MYCBPAP: variants seen among roughly 807,000 people sequenced by gnomAD.
MYCBPAP encodes the protein MYCBP associated protein.
Under a neutral mutation model 106.1 loss-of-function variants are expected in MYCBPAP, and 60 were observed. The observed-to-expected ratio is 0.57, with a 90% confidence interval of 0.46 to 0.70. The LOEUF is 0.70. Ranked by LOEUF, MYCBPAP falls within the 30% of genes least tolerant of loss-of-function variation. The pLI, the probability that MYCBPAP is intolerant of heterozygous loss-of-function variation, is 0.00. For synonymous variants in MYCBPAP, 407 were observed against 440.6 expected, an observed-to-expected ratio of 0.92 and a Z score of 0.95; for missense variants, 1,064 against 1,169.3, an observed-to-expected ratio of 0.91 and a Z score of 1.31.
intron 2 of MYCBPAP, 38 bp downstream of exon 2, chr17:50,516,735 G>A (rs376841875): frequency 1.1e-5 from 18 of 1,611,348 alleles, no homozygotes; most frequent in East Asian, 2.2e-5. Context: ...CCATAGAAAC[G>A]TTTCCCTGCC....
rs1182764090 is a variant in MYCBPAP at position 50,508,653 on chromosome 17, TTTCATGGTG to T, written c.-21_-13del. On this transcript the variant is annotated 5_prime_UTR_variant, in exon 1 of 19. An upstream start codon of the reference 5' UTR is lost. Transcript: ENST00000323776. ...TCTGGGCCGGCGGTGCAGGGCAACG[TTTCATGGTG>T]CCGGGCGGCACCATGAAGTCTCTAA... 6.3e-7 allele frequency: 1 copy of T among 1,595,188 alleles called. No homozygotes were observed. The highest frequency in any genetic ancestry group is 2.3e-5 in the East Asian group (1 of 44,120).
At chr17:50,509,000 G>A in intron 1 of MYCBPAP, 1 of 702,700 alleles carries the variant, frequency 1.4e-6, no homozygotes, top group Non-Finnish European at 2.6e-6. Flanking sequence ...AGGGACCACT[G>A]GCTGGGGAGA....
At position 50,519,295 on chromosome 17, in the gene MYCBPAP, C is replaced by A. The variant is rs993440519; in HGVS notation, c.768+206C>A. ...AGTTATTCAGCCTGTGGTGACCACA[C>A]AGGTAGCAAGTTATTAGAGTAGTCT... On this transcript the variant is annotated intron_variant, in intron 6 of 18. Transcript: ENST00000323776. The A allele has an allele frequency of 5.1e-6, 3 of 591,998 alleles. No individual in the cohort carries two copies. In the Admixed American group the frequency reaches 9.1e-5, roughly 18 times the overall value. 36.7% of individuals were successfully genotyped at this position (591,998 alleles called of 1,614,324 possible).
intron 11 of MYCBPAP, 108 bp downstream of exon 11, chr17:50,523,236 T>G: frequency 1.8e-6 from 2 of 1,110,156 alleles, no homozygotes; most frequent in Non-Finnish European, 2.6e-6. Flanking sequence ...GTTTGAGCCC[T>G]GCTTCCCTGC....
intron 1 of MYCBPAP, among the ~76,000 whole-genome samples, chr17:50,511,066 A>T (rs2033829859): frequency 6.6e-6 from 1 of 151,514 alleles, no homozygotes; most frequent in Admixed American, 6.6e-5. Context: ...GAGGGAAAAA[A>T]AATGAAGTGT....
Position 50,523,718 on chromosome 17 carries a change from G to T in MYCBPAP, c.1569G>T (p.Leu523=), listed in dbSNP as rs756772469. The T allele has an allele frequency of 4.3e-6, 7 of 1,614,078 alleles. No individual in the cohort carries two copies. The highest frequency in any genetic ancestry group is 2.7e-5 in the African/African-American group (2 of 74,918). Residue 523 remains leucine (L), a synonymous_variant, in exon 12 of 19, where the codon CTG becomes CTT. Transcript: ENST00000323776. ...CTACTCTATTAGGAGGTGCTATACT[G>T]CAGGTCAATCTCCACGCGGTCTCCC... ...THPTLLGGAI[L]QVNLHAVSLT...
intron 1 of MYCBPAP, chr17:50,509,043 G>A (rs769196426): frequency 7.1e-6 from 5 of 703,016 alleles, no homozygotes; most frequent in Non-Finnish European, 1.3e-5. Flanking sequence ...ACATCTTAGG[G>A]TGGCATGCAG....
intron 5 of MYCBPAP, 99 bp from the exon 6 acceptor site, chr17:50,518,875 T>C: frequency 6.9e-7 from 1 of 1,443,272 alleles, no homozygotes; most frequent in Non-Finnish European, 9.7e-7. Flanking sequence ...CAGTGGATCC[T>C]GAAATCAGCC....
chr17:50,522,709 A>AAAAAATATATATATATATATATATAT, intron 10 of MYCBPAP: 23 of 49,970 alleles, frequency 4.6e-4, no homozygotes, highest in Non-Finnish European at 4.1e-4. Flanking sequence ...AAAAAAAAAA[A>AAAAAATATATATATATATATATATAT]ATATATATAT....
Position 50,517,194 on chromosome 17 carries a change from C to G in MYCBPAP, c.205-99C>G. ...AGAGCTGAAGAAACAGATCTGTCAG[C>G]CTTCAGGAACTCCACCCAGAACTAG... On this transcript the variant is annotated intron_variant, in intron 2 of 18. Coordinates refer to ENST00000323776, the MANE Select transcript of MYCBPAP (RefSeq NM_032133.6). 2.7e-6 allele frequency: 3 copies of G among 1,105,902 alleles called. No individual in the cohort carries two copies. In the South Asian group the frequency reaches 4.0e-5, roughly 15 times the overall value. The allele number at this position is 1,105,902 out of a possible 1,614,324, so 68.5% of individuals were successfully genotyped here.
chr17:50,531,271 A>C, intron 18 of MYCBPAP, 56 bp from the exon 19 acceptor site: 3 of 1,189,304 alleles, frequency 2.5e-6, no homozygotes, highest in Non-Finnish European at 3.6e-6. Context: ...CATAGTTCAT[A>C]TATAGGTGCT....
intron 13 of MYCBPAP, 77 bp from the exon 14 acceptor site, chr17:50,525,804 T>C: frequency 1.3e-6 from 2 of 1,488,918 alleles, no homozygotes; most frequent in Non-Finnish European, 1.8e-6. Flanking sequence ...GTACTATTTA[T>C]GTCCTTATTT....
chr17:50,523,468 C>T, intron 11 of MYCBPAP, 129 bp from the exon 12 acceptor site: 1 of 943,196 alleles, frequency 1.1e-6, no homozygotes, highest in Non-Finnish European at 1.6e-6. Context: ...AACCTCTCAG[C>T]CCTGGGCAAA....
intron 12 of MYCBPAP, among the ~76,000 whole-genome samples, 166 bp from the exon 13 acceptor site, chr17:50,524,711 C>CGTGTGT (rs1555621272): frequency 4.2e-4 from 59 of 138,906 alleles, no homozygotes; most frequent in African/African-American, 1.4e-3. Flanking sequence ...TTAGAACAGG[C>CGTGTGT]GTGTGTGTGT....
At chr17:50,516,485 A>G in intron 1 of MYCBPAP, 85 bp from the exon 2 acceptor site, 1 of 1,470,758 alleles carries the variant, frequency 6.8e-7, no homozygotes, top group African/African-American at 1.4e-5. Context: ...TCTAGTATAT[A>G]TTTTTACTTT....
intron 6 of MYCBPAP, 180 bp from the exon 7 acceptor site, chr17:50,519,460 G>A: frequency 1.4e-6 from 1 of 735,944 alleles, no homozygotes; most frequent in Non-Finnish European, 2.2e-6. Context: ...GGCAGGTAAA[G>A]ATGACAACAG....
Position 50,516,715 on chromosome 17 carries a change from G to A in MYCBPAP, c.204+18G>A, listed in dbSNP as rs749432127. 6.8e-6 allele frequency: 11 copies of A among 1,613,236 alleles called. No homozygotes were observed. The South Asian group carries it at 8.8e-5, about 13-fold the overall frequency. On this transcript the variant is annotated intron_variant, in intron 2 of 18. Transcript: ENST00000323776. ...TGAAGGAGGTGAGGATGAAGCCCAAGCTTCCCTTACCATAGAAACGTTTCC... is the reference window on the plus strand; with the variant it reads ...TGAAGGAGGTGAGGATGAAGCCCAAACTTCCCTTACCATAGAAACGTTTCC...
chr17:50,516,371 A>G (rs2034051280), intron 1 of MYCBPAP, among the ~76,000 whole-genome samples, 199 bp from the exon 2 acceptor site: 1 of 151,970 alleles, frequency 6.6e-6, no homozygotes, highest in African/African-American at 2.4e-5. Flanking sequence ...GGGTAGGGGG[A>G]CCCTCCAGAG....
At chr17:50,519,456 T>C in intron 6 of MYCBPAP, 184 bp from the exon 7 acceptor site, 1 of 715,692 alleles carries the variant, frequency 1.4e-6, no homozygotes, top group Non-Finnish European at 2.3e-6. Context: ...TGGGGGCAGG[T>C]AAAGATGACA....
Sources: allele counts gnomAD v4.1 joint callset (sites outside exome capture counted in the v4.1 genomes callset), GRCh38; gene constraint gnomAD v4.1.1; transcripts MANE v1.5; gene names NCBI Gene and HGNC (gene_info 2026-07-23, HGNC 2026-07-21).